Variants in SEC14L5 observed in about 807,000 individuals in gnomAD.
The protein encoded by SEC14L5 is SEC14 like lipid binding 5.
A neutral mutation model predicts 84.6 loss-of-function variants in SEC14L5; 96 were observed. That is an observed-to-expected ratio of 1.13 (90% CI 0.96 to 1.34). SEC14L5 has a LOEUF of 1.34. Ranked by LOEUF, SEC14L5 falls within the 40% of genes most tolerant of loss-of-function variation. The pLI is 0.00. For missense variants in SEC14L5, 1,224 were observed against 942.5 expected (o/e 1.30, Z -3.91); for synonymous variants, 546 against 383.4 (o/e 1.42, Z -4.95).
At chr16:5,014,728 C>G (rs1955851290) in intron 15 of SEC14L5, 131 bp from the exon 16 acceptor site, 1 of 652,324 alleles carries the variant, frequency 1.5e-6, no homozygotes, top group Non-Finnish European at 2.7e-6. Flanking sequence ...GCGTCACTTG[C>G]TTTTCCCTTT....
chr16:5,006,168 T>G (rs1955730342), intron 12 of SEC14L5, 120 bp downstream of exon 12: 2 of 1,013,638 alleles, frequency 2.0e-6, no homozygotes, highest in Admixed American at 4.3e-5. Context: ...GCATGTGCAC[T>G]CTGCCTAGGG....
intron 8 of SEC14L5, among the ~76,000 whole-genome samples, chr16:5,000,153 C>T (rs1213726618): frequency 3.3e-5 from 5 of 150,822 alleles, no homozygotes; most frequent in East Asian, 2.0e-4. Flanking sequence ...TAGCCGGGTG[C>T]GGTGGTGGGC....
intron 12 of SEC14L5, 69 bp from the exon 13 acceptor site, chr16:5,007,283 C>T (rs1469954464): frequency 6.7e-7 from 1 of 1,503,270 alleles, no homozygotes; most frequent in Non-Finnish European, 9.1e-7. Context: ...CACACATCAC[C>T]CTTCTGTGGG....
intron 15 of SEC14L5, among the ~76,000 whole-genome samples, chr16:5,011,558 C>T (rs1955804728): frequency 6.6e-6 from 1 of 152,212 alleles, no homozygotes; most frequent in East Asian, 1.9e-4. Flanking sequence ...GAAGGGGAGT[C>T]TTAAACCCTT....
At chr16:4,999,446 C>A (rs1371617911) in intron 8 of SEC14L5, among the ~76,000 whole-genome samples, 1 of 151,770 alleles carries the variant, frequency 6.6e-6, no homozygotes, top group African/African-American at 2.4e-5. Flanking sequence ...CCCTCCACCA[C>A]ATCTCCACAA....
chr16:5,000,263 C>T (rs183063648), intron 8 of SEC14L5, among the ~76,000 whole-genome samples: 5 of 152,300 alleles, frequency 3.3e-5, no homozygotes, highest in Non-Finnish European at 7.4e-5. Flanking sequence ...TGCACTCCAG[C>T]CTGGGTGACA....
chr16:4,970,294 G>C (rs921354614), intron 2 of SEC14L5, among the ~76,000 whole-genome samples: 2 of 152,218 alleles, frequency 1.3e-5, no homozygotes, highest in African/African-American at 4.8e-5. Flanking sequence ...GCCAGGCTGA[G>C]AGTTGCGGGG....
intron 2 of SEC14L5, among the ~76,000 whole-genome samples, chr16:4,961,973 C>T (rs1008079705): frequency 2.0e-5 from 3 of 151,640 alleles, no homozygotes; most frequent in Admixed American, 6.6e-5. Flanking sequence ...GGGCCCTGTG[C>T]GAGGCAAACA....
intron 14 of SEC14L5, among the ~76,000 whole-genome samples, 165 bp downstream of exon 14, chr16:5,008,813 G>A (rs1460532427): frequency 6.6e-6 from 1 of 152,216 alleles, no homozygotes; most frequent in Non-Finnish European, 1.5e-5. Flanking sequence ...CTCATGTAAT[G>A]AAGTGCTCAC....
At chr16:5,009,718 A>T (rs114151557) in intron 14 of SEC14L5, among the ~76,000 whole-genome samples, 2,965 of 152,104 alleles carry the variant, frequency 0.019, 97 homozygotes, top group African/African-American at 0.068. Flanking sequence ...ACACTGTTCA[A>T]CCCACTGCAT....
At chr16:4,983,069 C>T (rs1955442763) in intron 2 of SEC14L5, among the ~76,000 whole-genome samples, 1 of 152,140 alleles carries the variant, frequency 6.6e-6, no homozygotes, top group Non-Finnish European at 1.5e-5. Flanking sequence ...GTGGCACGAT[C>T]TCCGCTTACT....
Position 4,987,553 on chromosome 16 carries a change from C to A in SEC14L5, c.64-4C>A. ...ACGGCCGCTCACTGCCGCTCTGCCC[C>A]CAGGCCTACGAGAAGCGTTTCCCCA... On this transcript the variant is annotated splice_polypyrimidine_tract_variant and splice_region_variant and intron_variant, in intron 2 of 15. Transcript: ENST00000251170. The A allele has an allele frequency of 6.5e-7, 1 of 1,549,886 alleles. No individual in the cohort carries two copies. The highest frequency in any genetic ancestry group is 2.5e-5 in the East Asian group (1 of 40,142).
chr16:5,011,433 A>C (rs1430764542), intron 15 of SEC14L5, among the ~76,000 whole-genome samples, 160 bp downstream of exon 15: 1 of 152,184 alleles, frequency 6.6e-6, no homozygotes, highest in Non-Finnish European at 1.5e-5. Flanking sequence ...GCCCCGCACT[A>C]GGGTGTGAGG....
chr16:5,005,725 A>T (rs1425298003), intron 11 of SEC14L5, among the ~76,000 whole-genome samples, 189 bp from the exon 12 acceptor site: 3 of 151,524 alleles, frequency 2.0e-5, no homozygotes, highest in Non-Finnish European at 2.9e-5. Flanking sequence ...TTAGCCGGGC[A>T]TGGTGGTGGG....
intron 2 of SEC14L5, among the ~76,000 whole-genome samples, chr16:4,972,118 A>T (rs1443294577): frequency 6.6e-6 from 1 of 150,954 alleles, no homozygotes; most frequent in Non-Finnish European, 1.5e-5. Flanking sequence ...CGATTCTCCC[A>T]CCTCAGCTAC....
At chr16:5,014,336 C>T (rs896859358) in intron 15 of SEC14L5, among the ~76,000 whole-genome samples, 2 of 152,116 alleles carry the variant, frequency 1.3e-5, no homozygotes, top group African/African-American at 4.8e-5. Flanking sequence ...ATCTCCTGAT[C>T]CCAGGAGTTT....
intron 10 of SEC14L5, among the ~76,000 whole-genome samples, chr16:5,001,217 C>T (rs1230224569): frequency 6.6e-6 from 1 of 151,450 alleles, no homozygotes; most frequent in Non-Finnish European, 1.5e-5. Flanking sequence ...AGACTTTATC[C>T]TCCCACTCCA....
chr16:4,982,515 G>A (rs891864172), intron 2 of SEC14L5, among the ~76,000 whole-genome samples: 5 of 152,040 alleles, frequency 3.3e-5, no homozygotes, highest in African/African-American at 1.2e-4. Flanking sequence ...CTACACCCCC[G>A]CCTGGGAGGA....
At chr16:4,974,560 T>A (rs994684323) in intron 2 of SEC14L5, among the ~76,000 whole-genome samples, 4 of 151,354 alleles carry the variant, frequency 2.6e-5, no homozygotes, top group African/African-American at 9.7e-5. Flanking sequence ...TTTTAATTTT[T>A]TAAAAAAACA....
Sources: gnomAD v4.1 joint callset for allele counts (sites outside exome capture counted in the v4.1 genomes callset) on GRCh38, gnomAD v4.1.1 for gene constraint, MANE v1.5 for transcripts, NCBI Gene and HGNC (gene_info 2026-07-23, HGNC 2026-07-21) for gene names.